The following SORCS3 variants were observed in gnomAD, a reference collection of about 807,000 sequenced individuals.
SORCS3 encodes the protein VPS10 domain-containing receptor SorCS3.
SORCS3 carries 57 observed loss-of-function variants against 146.3 expected under a neutral mutation model. The observed-to-expected ratio is 0.39, with a 90% confidence interval of 0.31 to 0.49. The LOEUF is 0.49. Among genes scored for constraint, SORCS3 ranks in the 20% least tolerant of loss-of-function variants. The pLI, the probability that SORCS3 is intolerant of heterozygous loss-of-function variation, is 0.92. For synonymous variants in SORCS3, 653 were observed against 618.5 expected (o/e 1.06, Z -0.83); for missense variants, 1,341 against 1,575.5 (o/e 0.85, Z 2.52).
chr10:104,711,027 A>T (rs2016409368), intron 1 of SORCS3, among the ~76,000 whole-genome samples: 1 of 152,220 alleles, frequency 6.6e-6, no homozygotes, highest in Admixed American at 6.5e-5. Context: ...AGCTTGTGAG[A>T]TGAGGTGGAA....
intron 1 of SORCS3, among the ~76,000 whole-genome samples, chr10:104,745,115 TGA>T (rs1044852322): frequency 7.9e-5 from 12 of 152,332 alleles, no homozygotes; most frequent in African/African-American, 2.9e-4. Flanking sequence ...ATTTGCATGG[TGA>T]ACGTGGCTAC....
intron 5 of SORCS3, among the ~76,000 whole-genome samples, chr10:105,084,553 GAT>G (rs2055645946): frequency 6.6e-6 from 1 of 152,160 alleles, no homozygotes; most frequent in African/African-American, 2.4e-5. Flanking sequence ...ATGAATGTCA[GAT>G]AGTTTCCTGG....
intron 13 of SORCS3, among the ~76,000 whole-genome samples, chr10:105,175,214 A>ATTTTTTT (rs71482448): frequency 1.3e-4 from 18 of 134,636 alleles, no homozygotes; most frequent in East Asian, 2.2e-4. Flanking sequence ...TGCTTGGCTA[A>ATTTTTTT]TTTTTTTTTT....
chr10:104,952,494 C>A (rs916401899), intron 3 of SORCS3, among the ~76,000 whole-genome samples: 2 of 152,038 alleles, frequency 1.3e-5, no homozygotes, highest in Non-Finnish European at 2.9e-5. Flanking sequence ...AAGTTTGAAA[C>A]GCATTACTCG....
chr10:104,654,898 C>A (rs1054020888), intron 1 of SORCS3, among the ~76,000 whole-genome samples: 8 of 152,198 alleles, frequency 5.3e-5, no homozygotes, highest in Admixed American at 3.3e-4. Context: ...AAACACTCTG[C>A]AGAGCCATTT....
intron 20 of SORCS3, among the ~76,000 whole-genome samples, chr10:105,233,391 T>A (rs1589700965): frequency 6.6e-6 from 1 of 152,278 alleles, no homozygotes; most frequent in East Asian, 1.9e-4. Context: ...TTAAGTCAAT[T>A]GAGAATAATA....
At chr10:105,168,320 A>G (rs12771608) in intron 13 of SORCS3, among the ~76,000 whole-genome samples, 4,533 of 152,232 alleles carry the variant, frequency 0.03, 80 homozygotes, top group South Asian at 0.064. Flanking sequence ...TTGAATGAGA[A>G]TAGATGATGA....
intron 4 of SORCS3, among the ~76,000 whole-genome samples, chr10:105,023,749 G>T (rs774639057): frequency 1.3e-5 from 2 of 151,820 alleles, no homozygotes; most frequent in African/African-American, 4.8e-5. Flanking sequence ...TGTGTTCCTC[G>T]CCTGGGGACA....
chr10:105,015,096 C>T (rs1411631936), intron 4 of SORCS3, among the ~76,000 whole-genome samples: 1 of 152,178 alleles, frequency 6.6e-6, no homozygotes, highest in Non-Finnish European at 1.5e-5. Context: ...TTATTACCCA[C>T]AAGACTTGCA....
chr10:104,653,740 A>G (rs1382481117), intron 1 of SORCS3, among the ~76,000 whole-genome samples: 2 of 152,248 alleles, frequency 1.3e-5, no homozygotes, highest in African/African-American at 2.4e-5. Flanking sequence ...TATGCATTGC[A>G]TAATAATCAC....
intron 1 of SORCS3, among the ~76,000 whole-genome samples, chr10:104,758,928 C>A (rs1457015274): frequency 1.3e-5 from 2 of 152,122 alleles, no homozygotes; most frequent in Non-Finnish European, 2.9e-5. Flanking sequence ...AACATGAGGT[C>A]TTGTATGGCT....
intron 3 of SORCS3, among the ~76,000 whole-genome samples, chr10:104,952,999 C>T (rs1192039356): frequency 2.6e-5 from 4 of 152,152 alleles, no homozygotes; most frequent in Admixed American, 2.6e-4. Context: ...AACATAGGCT[C>T]TTCAGAGGAA....
chr10:104,867,303 T>G (rs1036814347), intron 2 of SORCS3, among the ~76,000 whole-genome samples: 7 of 150,458 alleles, frequency 4.7e-5, no homozygotes, highest in Admixed American at 3.3e-4. Context: ...AAATTCCCAG[T>G]GTACAATTTT....
intron 1 of SORCS3, among the ~76,000 whole-genome samples, chr10:104,728,103 G>A (rs914658668): frequency 3.3e-5 from 5 of 151,360 alleles, no homozygotes; most frequent in African/African-American, 9.7e-5. Context: ...TGTTCCATTT[G>A]TGTCCATACC....
chr10:105,238,572 G>C (rs1021236986), intron 20 of SORCS3, among the ~76,000 whole-genome samples: 10 of 152,120 alleles, frequency 6.6e-5, no homozygotes, highest in African/African-American at 2.2e-4. Flanking sequence ...GATTCATTTG[G>C]GCAGAAGTTG....
At chr10:105,194,629 G>T (rs1408253455) in intron 14 of SORCS3, among the ~76,000 whole-genome samples, 5 of 152,016 alleles carry the variant, frequency 3.3e-5, no homozygotes, top group Admixed American at 2.0e-4. Context: ...TTTTCTGTTG[G>T]CATTCAATGA....
chr10:104,768,909 C>T (rs991639790), intron 1 of SORCS3, among the ~76,000 whole-genome samples: 2 of 152,184 alleles, frequency 1.3e-5, no homozygotes, highest in African/African-American at 2.4e-5. Context: ...GTACAGAGGG[C>T]AGGGGCGAAG....
At chr10:104,736,050 C>G (rs911228546) in intron 1 of SORCS3, among the ~76,000 whole-genome samples, 3 of 152,094 alleles carry the variant, frequency 2.0e-5, no homozygotes, top group African/African-American at 7.2e-5. Context: ...TCGGCTCATC[C>G]CCCTTGGGCT....
chr10:105,030,730 T>G (rs1174388596), intron 4 of SORCS3, among the ~76,000 whole-genome samples: 1 of 151,978 alleles, frequency 6.6e-6, no homozygotes, highest in African/African-American at 2.4e-5. Context: ...GTAGCTGGGA[T>G]TACAGGCATG....
Sources: gnomAD v4.1 joint callset for allele counts (sites outside exome capture counted in the v4.1 genomes callset) on GRCh38, gnomAD v4.1.1 for gene constraint, MANE v1.5 for transcripts, NCBI Gene and HGNC (gene_info 2026-07-23, HGNC 2026-07-21) for gene names.